LCN9: variants seen among roughly 807,000 people sequenced by gnomAD.
LCN9 encodes the protein lipocalin 9.
In LCN9, 22 loss-of-function variants were observed where a neutral mutation model predicts 18.5. That is an observed-to-expected ratio of 1.19 (90% confidence interval 0.85 to 1.70). The LOEUF is 1.70. LCN9 is among the 40% of genes most tolerant of loss of function. The probability of loss-of-function intolerance (pLI) is 0.00; values close to 1 mark genes in which losing one functional copy is unlikely to be tolerated. For missense variants in LCN9, 202 were observed against 201.3 expected (o/e 1.00, Z -0.02); for synonymous variants, 89 against 83.0 (o/e 1.07, Z -0.39).
Position 135,665,553 on chromosome 9 carries a change from CCCCTCTCTGGTCAGGGCGTGA to C in LCN9, c.419-131_419-111del. 1.1e-6 allele frequency: 1 copy of C among 909,748 alleles called. No homozygotes were observed. The highest frequency in any genetic ancestry group is 1.7e-6 in the Non-Finnish European group (1 of 586,110). The allele number at this position is 909,748 out of a possible 1,614,324, so 56.4% of individuals were successfully genotyped here. A position where few individuals can be genotyped will look rare whatever the true frequency, so the allele number is the denominator to read the frequency against. ...ACCTCCCATCTCACTTGGCACAAAGCCCCTCTCTGGTCAGGGCGTGACCCCCTGCCCAGCCTCAGCACTTCC... is the reference window on the plus strand; with the variant it reads ...ACCTCCCATCTCACTTGGCACAAAGCCCCCCTGCCCAGCCTCAGCACTTCC... On this transcript the variant is annotated intron_variant, in intron 4 of 5. Coordinates refer to ENST00000619315, the Ensembl canonical transcript of LCN9. The surrounding 1 kb of genome is among the most constrained non-coding windows in gnomAD (Gnocchi z 5.9).
At chr9:135,666,297 G>A in exon 6 of LCN9, 1 of 670,952 alleles carries the variant, frequency 1.5e-6, no homozygotes, top group Non-Finnish European at 2.5e-6. Context: ...CGGCTGCTGG[G>A]GGCTCCAGGC....
In LCN9 at chr9:135,665,353, A is replaced by G. The variant is rs748921454; in HGVS notation, c.416A>G (p.Tyr139Cys). The change falls in exon 4 of 6, where the codon TAT becomes TGT. Residue 139 changes from tyrosine to cysteine, a missense_variant and splice_region_variant. Coordinates refer to ENST00000619315, the Ensembl canonical transcript of LCN9. This position sits in a 1 kb window ranked among gnomAD's most constrained non-coding sequence, Gnocchi z 5.9. The stretch of plus-strand genomic sequence containing the variant: ...ACCGAGACCCACACGCTGGCGCTCT[A>G]TGGTACCTCCGCTGTCCCCCTCTGA... The G allele has an allele frequency of 1.7e-5, 27 of 1,592,874 alleles. No homozygotes were observed. The highest frequency in any genetic ancestry group is 1.7e-4 in the Middle Eastern group (1 of 5,962).
chr9:135,664,367 C>T lies in LCN9; in HGVS notation c.233+69C>T. The T allele has an allele frequency of 1.3e-6, 2 of 1,572,818 alleles. No homozygotes were observed. Among genetic ancestry groups the T allele is most frequent in the Non-Finnish European group, 1.7e-6 (2 of 1,147,370 alleles). The stretch of plus-strand genomic sequence containing the variant: ...CCTGCCACCCCAACGCATACTCTCA[C>T]TCTTGCACACACACGCTCGCACACT... On this transcript the variant is annotated intron_variant, in intron 2 of 5. Transcript: ENST00000619315. This position sits in a 1 kb window ranked among gnomAD's most constrained non-coding sequence, Gnocchi z 4.5.
Position 135,664,956 on chromosome 9 carries a change from G to A in LCN9, c.307+161G>A, listed in dbSNP as rs1013100445. Among the ~76,000 whole-genome samples, 2 of 152,148 alleles carry A rather than the reference G, an allele frequency of 1.3e-5. No homozygotes were observed. The highest frequency in any genetic ancestry group is 2.9e-5 in the Non-Finnish European group (2 of 68,004). The stretch of plus-strand genomic sequence containing the variant: ...CCCATCCTGGCACCTACCCAGGGGG[G>A]CTCCTGGCCCAGGGGAAGCAGGGAG... On this transcript the variant is annotated intron_variant, in intron 3 of 5. Coordinates refer to ENST00000619315, the Ensembl canonical transcript of LCN9. The surrounding 1 kb of genome is among the most constrained non-coding windows in gnomAD (Gnocchi z 4.5).
In LCN9 at chr9:135,665,451, G is replaced by A. The variant is rs2119180151; in HGVS notation, c.418+96G>A. 1 of 1,065,474 alleles carries A rather than the reference G, an allele frequency of 9.4e-7. No homozygotes were observed. Among genetic ancestry groups the A allele is most frequent in the Middle Eastern group, 2.8e-4 (1 of 3,620 alleles). 66.0% of individuals were successfully genotyped at this position (1,065,474 alleles called of 1,614,324 possible). On this transcript the variant is annotated intron_variant, in intron 4 of 5. Coordinates refer to ENST00000619315, the Ensembl canonical transcript of LCN9. The surrounding 1 kb of genome is among the most constrained non-coding windows in gnomAD (Gnocchi z 5.9). ...GGAGGAGGGTCTCGCAGTGGCCCTG[G>A]GGTTTGGAGAGGTGGTTCCCGTTGG...
At position 135,664,251 on chromosome 9, in the gene LCN9, T is replaced by C. The variant is rs1344606358; in HGVS notation, c.186T>C (p.Asn62=). ...GAGACCTGAGGGTCTTCGTCCGGAA[T>C]ATTGAACACTTGAAGAACGGCAGCC... The change falls in exon 2 of 6, where the codon AAT becomes AAC. Residue 62 remains asparagine, a synonymous_variant. Transcript: ENST00000619315. This position sits in a 1 kb window ranked among gnomAD's most constrained non-coding sequence, Gnocchi z 4.5. 2 of 1,613,786 alleles carry C rather than the reference T, an allele frequency of 1.2e-6. No individual in the cohort carries two copies. Among genetic ancestry groups the C allele is most frequent in the Admixed American group, 3.3e-5 (2 of 60,012 alleles).
At position 135,664,936 on chromosome 9, in the gene LCN9, C is replaced by T; in HGVS notation, c.307+141C>T. 1 of 899,662 alleles carries T rather than the reference C, an allele frequency of 1.1e-6. No homozygotes were observed. Among genetic ancestry groups the T allele is most frequent in the Non-Finnish European group, 1.7e-6 (1 of 590,936 alleles). 55.7% of individuals were successfully genotyped at this position (899,662 alleles called of 1,614,324 possible). ...TTGACCCTGAACTGGAGGGACCCAT[C>T]CTGGCACCTACCCAGGGGGGCTCCT... On this transcript the variant is annotated intron_variant, in intron 3 of 5. Coordinates refer to ENST00000619315, the Ensembl canonical transcript of LCN9. This position sits in a 1 kb window ranked among gnomAD's most constrained non-coding sequence, Gnocchi z 4.5.
At position 135,664,871 on chromosome 9, in the gene LCN9, G is replaced by A. The variant is rs1834190061; in HGVS notation, c.307+76G>A. ...TCCAGGGCCTGGGCCATATTCTGGT[G>A]AGCACTGACTCTGGGGATTTTAGTT... is the stretch of plus-strand genomic sequence containing the variant. On this transcript the variant is annotated intron_variant, in intron 3 of 5. Coordinates refer to ENST00000619315, the Ensembl canonical transcript of LCN9. The surrounding 1 kb of genome is among the most constrained non-coding windows in gnomAD (Gnocchi z 4.5). The A allele has an allele frequency of 7.0e-7, 1 of 1,425,006 alleles. No individual in the cohort carries two copies. Among genetic ancestry groups the A allele is most frequent in the Non-Finnish European group, 9.6e-7 (1 of 1,040,120 alleles). 88.3% of individuals were successfully genotyped at this position (1,425,006 alleles called of 1,614,324 possible).
chr9:135,666,434 T>A, exon 6 of LCN9: 1 of 333,414 alleles, frequency 3.0e-6, no homozygotes. Context: ...CGTCAAGACC[T>A]CAACTTCACA....
Position 135,664,663 on chromosome 9 carries a change from C to A in LCN9, c.234-59C>A. The A allele has an allele frequency of 1.4e-6, 2 of 1,431,204 alleles. No homozygotes were observed. The highest frequency in any genetic ancestry group is 2.4e-5 in the Admixed American group (1 of 41,492). 88.7% of individuals were successfully genotyped at this position (1,431,204 alleles called of 1,614,324 possible). A position where few individuals can be genotyped will look rare whatever the true frequency, so the allele number is the denominator to read the frequency against. On this transcript the variant is annotated intron_variant, in intron 2 of 5. Transcript: ENST00000619315. The surrounding 1 kb of genome is among the most constrained non-coding windows in gnomAD (Gnocchi z 4.5). ...TGCCCTGGAGGAGGGGTGCTCTCTG[C>A]CATCGCACGTCCAGGGGGCTGGAGC...
exon 6 of LCN9, chr9:135,666,176 G>A (rs1834219607): frequency 1.3e-6 from 2 of 1,547,282 alleles, no homozygotes; most frequent in Non-Finnish European, 1.7e-6. Flanking sequence ...CGGGTGACTA[G>A]GACAACCAGG....
Position 135,664,409 on chromosome 9 carries a change from G to A in LCN9, c.233+111G>A. 7.2e-7 allele frequency: 1 copy of A among 1,390,960 alleles called. No individual in the cohort carries two copies. The highest frequency in any genetic ancestry group is 1.0e-6 in the Non-Finnish European group (1 of 999,792). 86.2% of individuals were successfully genotyped at this position (1,390,960 alleles called of 1,614,324 possible). On this transcript the variant is annotated intron_variant, in intron 2 of 5. Transcript: ENST00000619315. This position sits in a 1 kb window ranked among gnomAD's most constrained non-coding sequence, Gnocchi z 4.5. ...TCGCACACTCACTGACTTGCACTCT[G>A]GTGAGAGCCTGAGCCTGTGCGTGTG...
In LCN9 at chr9:135,666,299, G is replaced by T. The variant is rs868135265; in HGVS notation, c.*448G>T. ...TTCCTGCCTCTTCCGGCTGCTGGGG[G>T]CTCCAGGCATCCCTGGCTTGTGGCT... On this transcript the variant is annotated 3_prime_UTR_variant, in exon 6 of 6. Coordinates refer to ENST00000619315, the Ensembl canonical transcript of LCN9. The T allele has an allele frequency of 6.1e-6, 4 of 657,618 alleles. No homozygotes were observed. The African/African-American group carries it at 7.3e-5, about 12-fold the overall frequency. The allele number at this position is 657,618 out of a possible 1,614,324, so 40.7% of individuals were successfully genotyped here. A position where few individuals can be genotyped will look rare whatever the true frequency, so the allele number is the denominator to read the frequency against.
chr9:135,665,294 C>T lies in LCN9; in HGVS notation c.357C>T (p.Phe119=). The T allele has an allele frequency of 6.2e-7, 1 of 1,606,910 alleles. No individual in the cohort carries two copies. Among genetic ancestry groups the T allele is most frequent in the African/African-American group, 1.3e-5 (1 of 74,886 alleles). Residue 119 remains phenylalanine (F), a synonymous_variant, in exon 4 of 6, where the codon TTC becomes TTT. Coordinates refer to ENST00000619315, the Ensembl canonical transcript of LCN9. This position sits in a 1 kb window ranked among gnomAD's most constrained non-coding sequence, Gnocchi z 5.9. ...TCTCGGAGACTGACTACAGGCTGTT[C>T]ATCACCTTCCACCTCCAGAACTTCA...
Position 135,665,494 on chromosome 9 carries a change from C to T in LCN9, c.418+139C>T. On this transcript the variant is annotated intron_variant, in intron 4 of 5. Coordinates refer to ENST00000619315, the Ensembl canonical transcript of LCN9. This position sits in a 1 kb window ranked among gnomAD's most constrained non-coding sequence, Gnocchi z 5.9. The stretch of plus-strand genomic sequence containing the variant: ...CCCGTTGGCTATTCCTTCCCACAGA[C>T]ACACCGTTAGGGTGCTGGGTGCTTC... 1 of 832,670 alleles carries T rather than the reference C, an allele frequency of 1.2e-6. No homozygotes were observed. The highest frequency in any genetic ancestry group is 1.9e-6 in the Non-Finnish European group (1 of 514,858). The allele number at this position is 832,670 out of a possible 1,614,324, so 51.6% of individuals were successfully genotyped here.
Position 135,664,862 on chromosome 9 carries a change from T to C in LCN9, c.307+67T>C, listed in dbSNP as rs1242049607. On this transcript the variant is annotated intron_variant, in intron 3 of 5. Transcript: ENST00000619315. This position sits in a 1 kb window ranked among gnomAD's most constrained non-coding sequence, Gnocchi z 4.5. Reference sequence around the variant, plus strand: ...TCTCCTTTCTCCAGGGCCTGGGCCATATTCTGGTGAGCACTGACTCTGGGG... The same window carrying C: ...TCTCCTTTCTCCAGGGCCTGGGCCACATTCTGGTGAGCACTGACTCTGGGG... 1 of 1,468,290 alleles carries C rather than the reference T, an allele frequency of 6.8e-7. No individual in the cohort carries two copies. The highest frequency in any genetic ancestry group is 1.4e-5 in the African/African-American group (1 of 70,790). 91.0% of individuals were successfully genotyped at this position (1,468,290 alleles called of 1,614,324 possible). A position where few individuals can be genotyped will look rare whatever the true frequency, so the allele number is the denominator to read the frequency against.
Position 135,665,049 on chromosome 9 carries a change from G to T in LCN9, c.308-196G>T, listed in dbSNP as rs1262123128. Among the ~76,000 whole-genome samples, 2 of 152,132 alleles carry T rather than the reference G, an allele frequency of 1.3e-5. No homozygotes were observed. The highest frequency in any genetic ancestry group is 2.9e-5 in the Non-Finnish European group (2 of 68,006). Reference sequence around the variant, plus strand: ...GGGCCACCAGGGTCTGCAAGCCAATGACAAGGAGGGAGGGGGCTGTGCCGC... The same window carrying T: ...GGGCCACCAGGGTCTGCAAGCCAATTACAAGGAGGGAGGGGGCTGTGCCGC... On this transcript the variant is annotated intron_variant, in intron 3 of 5. Transcript: ENST00000619315. This position sits in a 1 kb window ranked among gnomAD's most constrained non-coding sequence, Gnocchi z 5.9.
At position 135,663,852 on chromosome 9, in the gene LCN9, A is replaced by G. The variant is rs146975712; in HGVS notation, c.97-310A>G. ...CCTGTGGGGCAGAGGGGGCCCTGGA[A>G]GGGCAGAGGGCATTCTGTGAGCAGA... On this transcript the variant is annotated intron_variant, in intron 1 of 5. Coordinates refer to ENST00000619315, the Ensembl canonical transcript of LCN9. 2.2e-3 allele frequency among the ~76,000 whole-genome samples: 98 copies of G among 45,502 alleles called. 1 individual carries two copies. The highest frequency in any genetic ancestry group is 5.3e-3 in the African/African-American group (61 of 11,616). 29.9% of individuals were successfully genotyped at this position (45,502 alleles called of 152,430 possible). A position where few individuals can be genotyped will look rare whatever the true frequency, so the allele number is the denominator to read the frequency against.
intron 1 of LCN9, among the ~76,000 whole-genome samples, chr9:135,663,698 G>A (rs1469881499): frequency 6.8e-6 from 1 of 147,920 alleles, no homozygotes; most frequent in East Asian, 2.1e-4. Flanking sequence ...GGAGATGGGG[G>A]CCCTAAGAGG....
Sources: gnomAD v4.1 joint callset for allele counts (sites outside exome capture counted in the v4.1 genomes callset) on GRCh38, gnomAD v4.1.1 for gene constraint, Gnocchi (gnomAD v3.1) non-coding constraint, MANE v1.5 for transcripts, NCBI Gene and HGNC (gene_info 2026-07-23, HGNC 2026-07-21) for gene names.